Variants in ACOT12 observed in about 807,000 individuals in gnomAD.
ACOT12 encodes acyl-CoA thioesterase 12.
Under a neutral mutation model 67.7 loss-of-function variants are expected in ACOT12, and 51 were observed. The ratio of observed to expected loss-of-function variants is 0.75; its 90% confidence interval spans 0.60 to 0.95. The LOEUF is 0.95. Among genes scored for constraint, ACOT12 ranks in the 40% least tolerant of loss-of-function variants. The pLI, the probability that ACOT12 is intolerant of heterozygous loss-of-function variation, is 0.00. For missense variants in ACOT12, 734 were observed against 708.1 expected (o/e 1.04, Z -0.41); for synonymous variants, 251 against 244.6 (o/e 1.03, Z -0.24).
At chr5:81,322,631 G>A in the ACOT12 span, among the ~76,000 whole-genome samples, 2 of 152,132 alleles carry the variant, frequency 1.3e-5, no homozygotes, top group Admixed American at 6.5e-5. Context: ...AAGCCTTGGT[G>A]TATTAGTCTG....
intron 2 of ACOT12, among the ~76,000 whole-genome samples, chr5:81,378,529 T>G (rs1561349521): frequency 6.6e-6 from 1 of 152,258 alleles, no homozygotes; most frequent in South Asian, 2.1e-4. Context: ...CAAAAGAAAC[T>G]ATCATCAGAC....
chr5:81,345,995 A>G lies in ACOT12; in HGVS notation c.663T>C (p.Cys221=). 6.2e-7 allele frequency: 1 copy of G among 1,613,930 alleles called. No individual in the cohort carries two copies. The part of the protein sequence containing the change: ...TVATISASRL[C]WAHPFLKSVD... ...CGGACTTCAGAAAGGGATGAGCCCA[A>G]CACAGGCGGCTGGGGAGACAAAGGG... The change falls in exon 7 of 15, where the codon TGT becomes TGC. Residue 221 remains cysteine (C), a synonymous_variant. Transcript: ENST00000307624.
chr5:81,374,391 C>A (rs6873688), intron 2 of ACOT12, among the ~76,000 whole-genome samples: 1 of 152,064 alleles, frequency 6.6e-6, no homozygotes, highest in South Asian at 2.1e-4. Context: ...GAGAAAACAG[C>A]GCAAAAAGGC....
intron 7 of ACOT12, among the ~76,000 whole-genome samples, chr5:81,345,340 G>T (rs1244809846): frequency 6.6e-6 from 1 of 151,974 alleles, no homozygotes; most frequent in African/African-American, 2.4e-5. Context: ...TTGGCAATGT[G>T]GGGGAGGGCT....
At chr5:81,381,409 G>A (rs2153858666) in intron 2 of ACOT12, among the ~76,000 whole-genome samples, 1 of 152,190 alleles carries the variant, frequency 6.6e-6, no homozygotes, top group Middle Eastern at 3.4e-3. Flanking sequence ...TGACCAAAAT[G>A]CTGCTATGCA....
chr5:81,338,427 C>T (rs955885115), intron 11 of ACOT12, among the ~76,000 whole-genome samples: 12 of 152,076 alleles, frequency 7.9e-5, no homozygotes, highest in African/African-American at 2.4e-4. Flanking sequence ...GTGTGTGGCA[C>T]CTCCCCCTCT....
intron 4 of ACOT12, 68 bp downstream of exon 4, chr5:81,363,720 C>A: frequency 8.6e-7 from 1 of 1,167,892 alleles, no homozygotes. Flanking sequence ...TTTTCTATAA[C>A]ATTCTGATGC....
chr5:81,357,280 C>T (rs1759746270), intron 5 of ACOT12, among the ~76,000 whole-genome samples: 1 of 152,150 alleles, frequency 6.6e-6, no homozygotes, highest in Non-Finnish European at 1.5e-5. Flanking sequence ...ATTAATATGT[C>T]TGTCTCCAGC....
At chr5:81,321,016 G>A in the ACOT12 span, among the ~76,000 whole-genome samples, 1 of 150,168 alleles carries the variant, frequency 6.7e-6, no homozygotes, top group African/African-American at 2.4e-5. Flanking sequence ...AGCACTCTGG[G>A]AGGCCCAGGT....
At chr5:81,312,492 A>G in the ACOT12 span, 1 of 1,369,386 alleles carries the variant, frequency 7.3e-7, no homozygotes, top group African/African-American at 1.4e-5. Flanking sequence ...ATCTGAGTGG[A>G]TGCATTTGAT....
At chr5:81,350,359 T>C (rs1422605677) in intron 5 of ACOT12, among the ~76,000 whole-genome samples, 1 of 152,222 alleles carries the variant, frequency 6.6e-6, no homozygotes, top group Non-Finnish European at 1.5e-5. Flanking sequence ...TTGTTGTTGT[T>C]CTTGCATTAT....
At chr5:81,385,159 C>T (rs1351861404) in intron 2 of ACOT12, among the ~76,000 whole-genome samples, 3 of 152,024 alleles carry the variant, frequency 2.0e-5, no homozygotes, top group African/African-American at 4.8e-5. Context: ...TAATAATTAG[C>T]TTATAGTAGC....
At chr5:81,314,825 T>A in the ACOT12 span, among the ~76,000 whole-genome samples, 5 of 141,328 alleles carry the variant, frequency 3.5e-5, no homozygotes, top group Non-Finnish European at 7.7e-5. Flanking sequence ...CTTTAAAAAA[T>A]TTTTAAGATG....
intron 11 of ACOT12, among the ~76,000 whole-genome samples, chr5:81,341,788 T>C (rs550002750): frequency 1.3e-5 from 2 of 152,164 alleles, no homozygotes; most frequent in Non-Finnish European, 2.9e-5. Context: ...TTAAACCTGA[T>C]GGCATGCAAA....
At chr5:81,348,972 T>C (rs1346894848) in intron 5 of ACOT12, among the ~76,000 whole-genome samples, 1 of 152,248 alleles carries the variant, frequency 6.6e-6, no homozygotes, top group Non-Finnish European at 1.5e-5. Flanking sequence ...ATGTATTCAA[T>C]TATGCTTTTT....
intron 3 of ACOT12, among the ~76,000 whole-genome samples, chr5:81,364,863 C>T (rs980813136): frequency 1.3e-5 from 2 of 151,970 alleles, no homozygotes; most frequent in African/African-American, 2.4e-5. Flanking sequence ...TTTTTTTAGC[C>T]TTTACTCTCA....
chr5:81,330,408 C>T lies in ACOT12; in HGVS notation c.1654G>A (p.Val552Ile). 6.2e-7 allele frequency: 1 copy of T among 1,612,358 alleles called. No individual in the cohort carries two copies. Among genetic ancestry groups the T allele is most frequent in the Non-Finnish European group, 8.5e-7 (1 of 1,179,320 alleles). Reference sequence around the variant, plus strand: ...AAAGTTGACCTTTAAAATGTGCTTACAAACCCATCATCAGGAGGATTCTCT... The same window carrying T: ...AAAGTTGACCTTTAAAATGTGCTTATAAACCCATCATCAGGAGGATTCTCT... Reference protein sequence around the residue: ...FLENPPDDGFVSTF With the variant: ...FLENPPDDGFISTF The change falls in exon 15 of 15, where the codon GTA becomes ATA. Residue 552 changes from valine (V) to isoleucine (I), a missense_variant. Coordinates refer to ENST00000307624, the MANE Select transcript of ACOT12 (RefSeq NM_130767.3).
chr5:81,387,191 G>C (rs1012868013), intron 1 of ACOT12, among the ~76,000 whole-genome samples: 5 of 151,836 alleles, frequency 3.3e-5, no homozygotes, highest in African/African-American at 1.2e-4. Context: ...ATTTTTAGTA[G>C]AGATGGGGTT....
chr5:81,311,130 G>C, the ACOT12 span: 3 of 1,412,950 alleles, frequency 2.1e-6, no homozygotes, highest in Admixed American at 3.4e-5. Flanking sequence ...TGAGGATCCA[G>C]TAAGATGTGA....
Sources: allele counts gnomAD v4.1 joint callset (sites outside exome capture counted in the v4.1 genomes callset), GRCh38; gene constraint gnomAD v4.1.1; transcripts MANE v1.5; gene names NCBI Gene and HGNC (gene_info 2026-07-23, HGNC 2026-07-21).